POM121C: variants seen among roughly 807,000 people sequenced by gnomAD.
POM121C encodes the protein POM121 transmembrane nucleoporin C.
In POM121C, 20 loss-of-function variants were observed where a neutral mutation model predicts 66.4. The observed-to-expected ratio is 0.30, with a 90% CI of 0.21 to 0.44. The LOEUF is 0.44. POM121C is among the 20% of genes least tolerant of loss of function. The pLI is 1.00. For synonymous variants in POM121C, 286 were observed against 528.0 expected (o/e 0.54, Z 6.28); for missense variants, 580 against 1,225.7 (o/e 0.47, Z 7.87).
In POM121C at chr7:75,421,642, T is replaced by C; in HGVS notation, c.2610A>G (p.Gly870=). 1.9e-6 allele frequency: 3 copies of C among 1,613,468 alleles called. No individual in the cohort carries two copies. Among genetic ancestry groups the C allele is most frequent in the Non-Finnish European group, 2.5e-6 (3 of 1,179,806 alleles). The change falls in exon 13 of 15, where the codon GGA becomes GGG. Residue 870 remains glycine, a synonymous_variant. Transcript: ENST00000615331. ...ATTGAFSFGA[G]QSGSTATSTP... ...TGGAGGTGGCTGTGCTCCCACTCTG[T>C]CCTGCTCCAAAGCTGAAAGCTCCGG...
At chr7:75,453,610 A>G (rs1221451215) in intron 3 of POM121C, among the ~76,000 whole-genome samples, 1 of 151,448 alleles carries the variant, frequency 6.6e-6, no homozygotes, top group Non-Finnish European at 1.5e-5. Flanking sequence ...ACACAGTCTC[A>G]TTCCTTAATG....
At chr7:75,479,266 A>G (rs1433424800) in intron 1 of POM121C, among the ~76,000 whole-genome samples, 2 of 152,222 alleles carry the variant, frequency 1.3e-5, no homozygotes, top group African/African-American at 4.8e-5. Flanking sequence ...ACACAAAGGA[A>G]TGAAGAGTAC....
Position 75,452,953 on chromosome 7 carries a change from G to A in POM121C, c.-151-11306C>T, listed in dbSNP as rs587717450. On this transcript the variant is annotated intron_variant, in intron 3 of 14. Transcript: ENST00000615331. Reference sequence around the variant, plus strand: ...GGAGGGAGAGGAGATTCCTGGAGAGGAACGGATCAAGCTAGGAAGCACAGA... The same window carrying A: ...GGAGGGAGAGGAGATTCCTGGAGAGAAACGGATCAAGCTAGGAAGCACAGA... Among the ~76,000 whole-genome samples the A allele has an allele frequency of 1.8e-3, 270 of 152,244 alleles. 2 individuals are homozygous for A. Among genetic ancestry groups the A allele is most frequent in the African/African-American group, 5.8e-3 (242 of 41,540 alleles).
At position 75,425,634 on chromosome 7, in the gene POM121C, C is replaced by T. The variant is rs1789914437; in HGVS notation, c.646+1G>A. 12 of 1,600,906 alleles carry T rather than the reference C, an allele frequency of 7.5e-6. No homozygotes were observed. Among genetic ancestry groups the T allele is most frequent in the Non-Finnish European group, 1.0e-5 (12 of 1,174,214 alleles). ...CCCCTCCTCCTGGCTCAGCAACCTA[C>T]CCTTTTCTCCCTGGGACTCCTTGTC... On this transcript the variant is annotated splice_donor_variant, in intron 9 of 14. Transcript: ENST00000615331. LOFTEE classifies it high-confidence loss of function.
chr7:75,483,527 C>T (rs1266594415), intron 1 of POM121C, among the ~76,000 whole-genome samples: 28 of 152,304 alleles, frequency 1.8e-4, no homozygotes, highest in African/African-American at 6.7e-4. Flanking sequence ...AGCCACGCTT[C>T]CTATGATAGA....
Position 75,424,587 on chromosome 7 carries a change from G to A in POM121C, c.810C>T (p.Asp270=). ...ATGAAGCCTTCTTCTCTAAGTCTAG[G>A]TCCTCGGCAGTGATCGAATAGCCAA... is the stretch of plus-strand genomic sequence containing the variant. ...PQLGYSITAE[D]LDLEKKASLQ... is the part of the protein sequence containing the mutation. The change falls in exon 11 of 15, where the codon GAC becomes GAT. Residue 270 remains aspartate, a synonymous_variant. Coordinates refer to ENST00000615331, the MANE Select transcript of POM121C (RefSeq NM_001099415.3). 3.7e-6 allele frequency: 6 copies of A among 1,613,956 alleles called. No homozygotes were observed. The highest frequency in any genetic ancestry group is 5.1e-6 in the Non-Finnish European group (6 of 1,179,864).
chr7:75,479,540 C>T (rs3100007), intron 1 of POM121C, among the ~76,000 whole-genome samples: 1 of 138,402 alleles, frequency 7.2e-6, no homozygotes, highest in East Asian at 2.0e-4. Context: ...CACTTGAACC[C>T]AGGAGGCAGA....
intron 3 of POM121C, among the ~76,000 whole-genome samples, chr7:75,458,075 C>T (rs1327580606): frequency 2.6e-5 from 4 of 152,366 alleles, no homozygotes; most frequent in African/African-American, 4.8e-5. Context: ...TGAGCACTAG[C>T]AGCAAGCTGC....
chr7:75,423,626 CGCGCGCAGT>C (rs1437552638), intron 12 of POM121C, among the ~76,000 whole-genome samples: 2 of 151,876 alleles, frequency 1.3e-5, no homozygotes, highest in Non-Finnish European at 2.9e-5. Flanking sequence ...AAGAGGTGTG[CGCGCGCAGT>C]GCCGTGAAGG....
rs1554470975 is a variant in POM121C at position 75,422,638 on chromosome 7, TGTG to T, written c.1611_1613del (p.Thr539del). On this transcript the variant is annotated inframe_deletion, in exon 13 of 15. Transcript: ENST00000615331. ...CCAGGCCAGTGAAGAGCGGGGCAGT[TGTG>T]GTGGGAGCAGTGGCGGGAGTAGTTG... is the stretch of plus-strand genomic sequence containing the variant. 9.5e-7 allele frequency: 1 copy of T among 1,054,968 alleles called. No individual in the cohort carries two copies. The highest frequency in any genetic ancestry group is 1.4e-6 in the Non-Finnish European group (1 of 714,684). 65.4% of individuals were successfully genotyped at this position (1,054,968 alleles called of 1,614,324 possible).
At chr7:75,444,174 C>G (rs1417817003) in intron 3 of POM121C, among the ~76,000 whole-genome samples, 1 of 130,614 alleles carries the variant, frequency 7.7e-6, no homozygotes, top group Non-Finnish European at 1.6e-5. Flanking sequence ...AGTTTGGGTT[C>G]CAGATCCTCC....
Position 75,475,119 on chromosome 7 carries a change from C to T in POM121C, c.-388G>A, listed in dbSNP as rs1373738213. The T allele has an allele frequency of 4.5e-6, 7 of 1,542,466 alleles. No homozygotes were observed. Among genetic ancestry groups the T allele is most frequent in the South Asian group, 1.1e-5 (1 of 89,224 alleles). ...ATCACATCCCCGTATGTTATCTTCT[C>T]ATCAGGGTCCAGTTGCCGCCACTCC... On this transcript the variant is annotated 5_prime_UTR_variant, in exon 2 of 15. It removes an upstream start codon present in the reference 5' UTR. Transcript: ENST00000615331.
At chr7:75,464,339 T>C (rs1311302178) in intron 3 of POM121C, among the ~76,000 whole-genome samples, 1 of 152,268 alleles carries the variant, frequency 6.6e-6, no homozygotes. Context: ...GGCTCATGCC[T>C]GTAATTCCAG....
rs201581797 is a variant in POM121C at position 75,440,980 on chromosome 7, G to C, written c.201C>G (p.Phe67Leu). The C allele has an allele frequency of 7.5e-4, 1,209 of 1,613,910 alleles. 2 individuals are homozygous for C. Among genetic ancestry groups the C allele is most frequent in the Middle Eastern group, 2.1e-3 (13 of 6,056 alleles). The change falls in exon 5 of 15, where the codon TTC becomes TTG. Residue 67 changes from phenylalanine (F) to leucine (L), a missense_variant. Physicochemically the swap from Phe to Leu is conservative, Grantham distance 22. Coordinates refer to ENST00000615331, the MANE Select transcript of POM121C (RefSeq NM_001099415.3). Reference protein sequence around the residue: ...KRTVEEEDQIFLDGQENKRRR... With the variant: ...KRTVEEEDQILLDGQENKRRR... ...TTCTTTTATTTTCCTGGCCATCAAGGAATATTTGGTCTTCTTCCTCCACTG... is the reference window on the plus strand; with the variant it reads ...TTCTTTTATTTTCCTGGCCATCAAGCAATATTTGGTCTTCTTCCTCCACTG...
intron 7 of POM121C, among the ~76,000 whole-genome samples, chr7:75,435,233 T>C (rs114989531): frequency 0.048 from 7,288 of 152,286 alleles, 187 homozygotes; most frequent in Non-Finnish European, 0.064. Context: ...TGAGTTTCTG[T>C]GTACTGCTAT....
chr7:75,476,021 T>A (rs1218468957), intron 1 of POM121C, among the ~76,000 whole-genome samples: 1 of 152,178 alleles, frequency 6.6e-6, no homozygotes, highest in Non-Finnish European at 1.5e-5. Flanking sequence ...GGCTCATGCC[T>A]ATAATCCTAG....
intron 3 of POM121C, among the ~76,000 whole-genome samples, chr7:75,472,794 G>A (rs1166875430): frequency 6.6e-6 from 1 of 150,450 alleles, no homozygotes; most frequent in African/African-American, 2.4e-5. Flanking sequence ...TGACAAGAGC[G>A]AGACACTATC....
At chr7:75,474,971 A>C (rs1287436114) in intron 2 of POM121C, 89 bp from the exon 3 acceptor site, 2 of 1,409,760 alleles carry the variant, frequency 1.4e-6, no homozygotes, top group South Asian at 1.2e-5. Flanking sequence ...TAGTGCCCAC[A>C]AGGAATTAAA....
intron 3 of POM121C, among the ~76,000 whole-genome samples, chr7:75,465,590 T>C (rs1469195413): frequency 6.0e-5 from 9 of 151,234 alleles, no homozygotes; most frequent in Non-Finnish European, 4.4e-5. Context: ...CCGTCTCTAC[T>C]GAAAAGACAA....
Sources: gnomAD v4.1 joint callset for allele counts (sites outside exome capture counted in the v4.1 genomes callset) on GRCh38, gnomAD v4.1.1 for gene constraint, MANE v1.5 for transcripts, NCBI Gene and HGNC (gene_info 2026-07-23, HGNC 2026-07-21) for gene names.